The following MYO1H variants were observed in gnomAD, a reference collection of about 807,000 sequenced individuals.
MYO1H encodes the protein myosin IH.
In MYO1H, 118 loss-of-function variants were observed where a neutral mutation model predicts 149.3. The observed-to-expected ratio is 0.79, with a 90% CI of 0.68 to 0.92. The LOEUF (loss-of-function observed/expected upper bound fraction) is 0.92. Among genes scored for constraint, MYO1H ranks in the 40% least tolerant of loss-of-function variants. The pLI, the probability that MYO1H is intolerant of heterozygous loss-of-function variation, is 0.00. For missense variants in MYO1H, 1,212 were observed against 1,280.7 expected (o/e 0.95, Z 0.82); for synonymous variants, 447 against 465.2 (o/e 0.96, Z 0.50).
In MYO1H at chr12:109,359,056, G is replaced by A. The variant is rs1220284811; in HGVS notation, c.12+11084G>A. 3.3e-5 allele frequency among the ~76,000 whole-genome samples: 5 copies of A among 151,986 alleles called. No individual in the cohort carries two copies. The East Asian group carries it at 9.7e-4, about 29-fold the overall frequency. On this transcript the variant is annotated intron_variant, in intron 1 of 31. Coordinates refer to ENST00000310903, the Ensembl canonical transcript of MYO1H. ...CTCTTGTTAGCAAAGATGGTTTTCG[G>A]TGTCTGTGCCCGGGAGATGGCCTTC...
intron 1 of MYO1H, among the ~76,000 whole-genome samples, chr12:109,348,708 A>G (rs1868389638): frequency 5.9e-5 from 9 of 152,322 alleles, no homozygotes; most frequent in Admixed American, 5.9e-4. Context: ...AAGCATAAAG[A>G]CTTCCAAGGA....
chr12:109,381,145 T>C (rs1260250057), intron 1 of MYO1H, among the ~76,000 whole-genome samples: 1 of 151,892 alleles, frequency 6.6e-6, no homozygotes, highest in Non-Finnish European at 1.5e-5. Context: ...GAAACCAGAG[T>C]TCATTGGAGA....
intron 19 of MYO1H, among the ~76,000 whole-genome samples, chr12:109,427,937 T>TATATATATATATATATATA (rs1871447802): frequency 2.2e-5 from 2 of 89,588 alleles, no homozygotes; most frequent in Non-Finnish European, 4.5e-5. Flanking sequence ...TATATATATA[T>TATATATATATATATATATA]TAGATGGGTG....
At chr12:109,321,446 A>T in the MYO1H span, among the ~76,000 whole-genome samples, 1 of 148,906 alleles carries the variant, frequency 6.7e-6, no homozygotes, top group Non-Finnish European at 1.5e-5. Flanking sequence ...CCAGCTACTT[A>T]GGAGGCTGAG....
Position 109,443,154 on chromosome 12 carries a change from GTGTGTGTATATGTGTACGTA to G in MYO1H, c.2689-338_2689-319del, listed in dbSNP as rs1566045047. 1.3e-4 allele frequency among the ~76,000 whole-genome samples: 7 copies of G among 52,348 alleles called. 1 individual carries two copies. The highest frequency in any genetic ancestry group is 3.5e-4 in the African/African-American group (4 of 11,280). 34.3% of individuals were successfully genotyped at this position (52,348 alleles called of 152,430 possible). The stretch of plus-strand genomic sequence containing the variant: ...TATATGTGTGTATATGTGTACGTAT[GTGTGTGTATATGTGTACGTA>G]TGTGTGTATATGTGTACGTATATGT... On this transcript the variant is annotated intron_variant, in intron 27 of 31. Transcript: ENST00000310903.
chr12:109,417,162 C>A (rs1870948530), intron 15 of MYO1H, among the ~76,000 whole-genome samples: 1 of 152,106 alleles, frequency 6.6e-6, no homozygotes, highest in Non-Finnish European at 1.5e-5. Context: ...CAGAGCAAGA[C>A]TTCATCTCAA....
At chr12:109,443,060 G>GTATATATGTGTGTATATATGTGTACA (rs371552255) in intron 27 of MYO1H, among the ~76,000 whole-genome samples, 3 of 35,868 alleles carry the variant, frequency 8.4e-5, no homozygotes, top group African/African-American at 5.1e-4. Context: ...ATATGTGTAC[G>GTATATATGTGTGTATATATGTGTACA]TATGTGTGTA....
chr12:109,358,683 G>A (rs558513539), intron 1 of MYO1H, among the ~76,000 whole-genome samples: 1 of 152,042 alleles, frequency 6.6e-6, no homozygotes, highest in Non-Finnish European at 1.5e-5. Flanking sequence ...CAAGCATCAC[G>A]AGATAGTGTG....
At position 109,445,774 on chromosome 12, in the gene MYO1H, GATAT is replaced by G. The variant is rs567636734; in HGVS notation, c.3093+164_3093+167del. On this transcript the variant is annotated intron_variant, in intron 31 of 31. Coordinates refer to ENST00000310903, the Ensembl canonical transcript of MYO1H. Reference sequence around the variant, plus strand: ...TACATCTGTAAGACAGGAAGAAACTGATATAGAGATACACACATCTAAACACTGA... The same window carrying G: ...TACATCTGTAAGACAGGAAGAAACTGAGAGATACACACATCTAAACACTGA... 3.6e-4 allele frequency: 357 copies of G among 985,366 alleles called. No individual in the cohort carries two copies. The African/African-American group carries it at 5.4e-3, about 15-fold the overall frequency. The allele number at this position is 985,366 out of a possible 1,614,324, so 61.0% of individuals were successfully genotyped here.
intron 22 of MYO1H, 47 bp downstream of exon 22, chr12:109,436,603 C>T (rs1014196731): frequency 1.0e-5 from 14 of 1,359,982 alleles, no homozygotes; most frequent in Non-Finnish European, 1.4e-5. Flanking sequence ...TTCTCATCTG[C>T]TTGGCACCTG....
At chr12:109,364,620 A>G (rs1868829418) in intron 1 of MYO1H, among the ~76,000 whole-genome samples, 1 of 152,220 alleles carries the variant, frequency 6.6e-6, no homozygotes, top group African/African-American at 2.4e-5. Context: ...TATTGGTTAC[A>G]TAATGTTCAT....
At chr12:109,316,039 A>G in the MYO1H span, among the ~76,000 whole-genome samples, 2 of 152,088 alleles carry the variant, frequency 1.3e-5, no homozygotes, top group Admixed American at 6.5e-5. Context: ...TTTGAAATTC[A>G]TGGTAACTCT....
At chr12:109,396,260 CTTGTACCACAG>C (rs1869900157) in intron 3 of MYO1H, 113 bp from the exon 4 acceptor site, 2 of 745,272 alleles carry the variant, frequency 2.7e-6, no homozygotes, top group East Asian at 5.5e-5. Context: ...GCTCATTGTC[CTTGTACCACAG>C]TCTGGATGTG....
chr12:109,358,088 T>G (rs1868649276), intron 1 of MYO1H, among the ~76,000 whole-genome samples: 1 of 151,668 alleles, frequency 6.6e-6, no homozygotes, highest in Non-Finnish European at 1.5e-5. Context: ...TTATGAATAT[T>G]GCTTTCTACT....
intron 14 of MYO1H, among the ~76,000 whole-genome samples, chr12:109,414,565 A>G (rs921404049): frequency 3.9e-5 from 6 of 152,054 alleles, no homozygotes; most frequent in Non-Finnish European, 7.4e-5. Context: ...GTCTCTCAAC[A>G]TTATAAAAAT....
chr12:109,368,729 G>A lies in MYO1H; in HGVS notation c.13-19954G>A, dbSNP rs531468580. Among the ~76,000 whole-genome samples the A allele has an allele frequency of 6.4e-5, 8 of 124,630 alleles. No individual in the cohort carries two copies. The South Asian group carries it at 1.8e-3, about 28-fold the overall frequency. The allele number at this position is 124,630 out of a possible 152,430, so 81.8% of individuals were successfully genotyped here. A position where few individuals can be genotyped will look rare whatever the true frequency, so the allele number is the denominator to read the frequency against. On this transcript the variant is annotated intron_variant, in intron 1 of 31. Transcript: ENST00000310903. ...TTTTCCAACTTTTATTTTAGATTCA[G>A]GGGTACACGTGCAGGTTTGTTACCT...
chr12:109,345,759 T>C (rs2048100858), upstream of MYO1H, among the ~76,000 whole-genome samples: 1 of 152,184 alleles, frequency 6.6e-6, no homozygotes, highest in African/African-American at 2.4e-5. Context: ...CCAGAGGCAT[T>C]ATGTGGCAAT....
intron 1 of MYO1H, among the ~76,000 whole-genome samples, chr12:109,349,237 A>C (rs574775637): frequency 8.4e-4 from 128 of 152,344 alleles, no homozygotes; most frequent in Non-Finnish European, 1.5e-3. Context: ...TGCACGTAGA[A>C]GTAACCATGC....
rs377052612 is a variant in MYO1H, at chr12:109,398,612, T to C, written c.570+800T>C. On this transcript the variant is annotated intron_variant, in intron 5 of 31. Transcript: ENST00000310903. ...AAAAATACAAAAAATTAGCCATGCA[T>C]GGTGGTGTGCGACTGTAATCCCAGC... 2.0e-5 allele frequency among the ~76,000 whole-genome samples: 3 copies of C among 151,198 alleles called. No individual in the cohort carries two copies. In the South Asian group the frequency reaches 6.3e-4, roughly 32 times the overall value.
Sources: gnomAD v4.1 joint callset for allele counts (sites outside exome capture counted in the v4.1 genomes callset) on GRCh38, gnomAD v4.1.1 for gene constraint, MANE v1.5 for transcripts, NCBI Gene and HGNC (gene_info 2026-07-23, HGNC 2026-07-21) for gene names.